ORC4: variants seen among roughly 807,000 people sequenced by gnomAD.
The protein encoded by ORC4 is origin recognition complex subunit 4.
In ORC4, 55 loss-of-function variants were observed where a neutral mutation model predicts 63.9. The observed-to-expected ratio is 0.86, with a 90% CI of 0.69 to 1.08. ORC4 has a LOEUF of 1.08. ORC4 is among the 50% of genes least tolerant of loss of function. ORC4 has a pLI of 0.00. For synonymous variants in ORC4, 150 were observed against 168.5 expected, an observed-to-expected ratio of 0.89 and a Z score of 0.85; for missense variants, 511 against 504.4, an observed-to-expected ratio of 1.01 and a Z score of -0.13.
intron 10 of ORC4, among the ~76,000 whole-genome samples, chr2:147,941,832 C>T (rs1688383659): frequency 1.3e-5 from 2 of 151,806 alleles, no homozygotes; most frequent in Admixed American, 6.6e-5. Context: ...TTACTAGTCC[C>T]CAAATTCCTT....
Position 147,934,508 on chromosome 2 carries a change from C to T in ORC4, c.*1002G>A, listed in dbSNP as rs1188944471. ...CTTTTCCAGAAATCTCTGGTAGTCA[C>T]GTCACTTCATGATGGGGCTACGTTC... On this transcript the variant is annotated 3_prime_UTR_variant, in exon 14 of 14. Transcript: ENST00000392857. The T allele has an allele frequency of 6.6e-6, 1 of 152,102 alleles. No individual in the cohort carries two copies. The highest frequency in any genetic ancestry group is 6.6e-5 in the Admixed American group (1 of 15,254). 9.4% of individuals were successfully genotyped at this position (152,102 alleles called of 1,614,324 possible).
At chr2:147,940,006 A>G (rs1437225661) in intron 10 of ORC4, among the ~76,000 whole-genome samples, 1 of 152,136 alleles carries the variant, frequency 6.6e-6, no homozygotes, top group Non-Finnish European at 1.5e-5. Context: ...TTTGGGATAT[A>G]ATTATCCAAG....
At chr2:147,962,932 T>G (rs978182246) in intron 4 of ORC4, among the ~76,000 whole-genome samples, 1 of 151,954 alleles carries the variant, frequency 6.6e-6, no homozygotes, top group African/African-American at 2.4e-5. Flanking sequence ...AGCCATGACC[T>G]GTACCTGAGA....
chr2:147,988,052 C>CAAA (rs1213881150), intron 1 of ORC4, among the ~76,000 whole-genome samples: 1 of 60,252 alleles, frequency 1.7e-5, no homozygotes, highest in Non-Finnish European at 3.4e-5. Context: ...GACTCTGTCT[C>CAAA]AAAAAAAAAA....
At chr2:147,991,208 C>T (rs993630804) in intron 1 of ORC4, among the ~76,000 whole-genome samples, 80 of 151,850 alleles carry the variant, frequency 5.3e-4, no homozygotes, top group African/African-American at 1.4e-3. Context: ...CCACCACGCT[C>T]GGCTAATTTT....
chr2:147,967,038 C>T (rs1025404272), intron 4 of ORC4, among the ~76,000 whole-genome samples: 25 of 152,042 alleles, frequency 1.6e-4, no homozygotes, highest in South Asian at 4.1e-4. Context: ...GTTTAATATA[C>T]GCAAATCAAT....
intron 1 of ORC4, among the ~76,000 whole-genome samples, chr2:148,017,113 G>A (rs1693346309): frequency 6.6e-6 from 1 of 152,158 alleles, no homozygotes; most frequent in Non-Finnish European, 1.5e-5. Flanking sequence ...TTAAGACATG[G>A]TAAACACATA....
chr2:147,945,208 A>T (rs1688592319), intron 9 of ORC4, among the ~76,000 whole-genome samples: 1 of 152,058 alleles, frequency 6.6e-6, no homozygotes, highest in Non-Finnish European at 1.5e-5. Flanking sequence ...TGCAAGAATC[A>T]ATTATTTTTA....
chr2:148,009,568 T>C (rs904532842), intron 1 of ORC4, among the ~76,000 whole-genome samples: 2 of 152,094 alleles, frequency 1.3e-5, no homozygotes, highest in African/African-American at 4.8e-5. Context: ...CAGAAGCATC[T>C]AGATATATAG....
intron 1 of ORC4, among the ~76,000 whole-genome samples, chr2:147,995,086 A>G (rs2105413845): frequency 6.6e-6 from 1 of 151,818 alleles, no homozygotes; most frequent in East Asian, 1.9e-4. Flanking sequence ...ACTCTATAAA[A>G]ACGCACCAAT....
At chr2:148,016,019 C>T (rs559124631) in intron 1 of ORC4, among the ~76,000 whole-genome samples, 3 of 152,190 alleles carry the variant, frequency 2.0e-5, no homozygotes, top group South Asian at 2.1e-4. Context: ...AAGAACTCAA[C>T]GTAAGAACTC....
chr2:147,976,805 A>C (rs1032053059), intron 1 of ORC4, among the ~76,000 whole-genome samples: 4 of 152,138 alleles, frequency 2.6e-5, no homozygotes, highest in South Asian at 2.1e-4. Flanking sequence ...TTCCAAATTG[A>C]GATTTTTTAT....
chr2:147,983,705 A>T (rs1046062658), intron 1 of ORC4, among the ~76,000 whole-genome samples: 1 of 152,228 alleles, frequency 6.6e-6, no homozygotes. Flanking sequence ...GACTGAAACA[A>T]ATTTCTGCTG....
At chr2:147,958,736 T>C in intron 5 of ORC4, 55 bp downstream of exon 5, 2 of 898,512 alleles carry the variant, frequency 2.2e-6, no homozygotes, top group South Asian at 1.4e-5. Context: ...ACAAGTCATA[T>C]AAAAACCCCA....
At chr2:147,977,374 C>G (rs982121108) in intron 1 of ORC4, among the ~76,000 whole-genome samples, 1 of 152,170 alleles carries the variant, frequency 6.6e-6, no homozygotes, top group Admixed American at 6.5e-5. Flanking sequence ...GCTGACTTAT[C>G]ATCAAATCAC....
intron 1 of ORC4, among the ~76,000 whole-genome samples, chr2:148,001,147 C>T (rs982883811): frequency 4.6e-5 from 7 of 152,028 alleles, no homozygotes; most frequent in Non-Finnish European, 1.0e-4. Context: ...TTCGTTGCAC[C>T]ATGGTATCAA....
chr2:148,008,603 C>T (rs1692762387), intron 1 of ORC4, among the ~76,000 whole-genome samples: 3 of 152,172 alleles, frequency 2.0e-5, no homozygotes, highest in Admixed American at 6.5e-5. Flanking sequence ...ACATTCCAAT[C>T]ACCTGCTCCA....
intron 1 of ORC4, among the ~76,000 whole-genome samples, chr2:148,015,979 A>T (rs1417602111): frequency 1.3e-5 from 2 of 152,164 alleles, no homozygotes; most frequent in Non-Finnish European, 2.9e-5. Context: ...AAGCAGATTG[A>T]TCCTCTTACA....
intron 9 of ORC4, among the ~76,000 whole-genome samples, chr2:147,946,297 A>G (rs1281511876): frequency 6.6e-6 from 1 of 151,430 alleles, no homozygotes; most frequent in African/African-American, 2.4e-5. Context: ...CAGGTATGGA[A>G]AAAAAAAAGC....
Sources: gnomAD v4.1 joint callset for allele counts (sites outside exome capture counted in the v4.1 genomes callset) on GRCh38, gnomAD v4.1.1 for gene constraint, MANE v1.5 for transcripts, NCBI Gene and HGNC (gene_info 2026-07-23, HGNC 2026-07-21) for gene names.